The following INPP5D variants were observed in gnomAD, a reference collection of about 807,000 sequenced individuals.
The protein encoded by INPP5D is inositol polyphosphate-5-phosphatase D.
In INPP5D, 33 loss-of-function variants were observed where a neutral mutation model predicts 122.9. The ratio of observed to expected loss-of-function variants is 0.27; its 90% CI spans 0.20 to 0.36. The LOEUF is 0.36. INPP5D is among the 10% of genes least tolerant of loss of function. The pLI is 1.00. For missense variants in INPP5D, 1,053 were observed against 1,412.7 expected, an observed-to-expected ratio of 0.75 and a Z score of 4.08; for synonymous variants, 584 against 576.2, an observed-to-expected ratio of 1.01 and a Z score of -0.19.
rs968812426 is a variant in INPP5D at position 233,188,930 on chromosome 2, C to G, written c.2359-920C>G. ...CCAACATGGTGCCCAGAGCCCTGTA[C>G]CAGGAGCCTTTTGGTGTCTGGAAAG... On this transcript the variant is annotated intron_variant, in intron 21 of 26. Transcript: ENST00000445964. The surrounding 1 kb of genome is among the most constrained non-coding windows in gnomAD (Gnocchi z 4.7). Among the ~76,000 whole-genome samples, 3 of 152,152 alleles carry G rather than the reference C, an allele frequency of 2.0e-5. No individual in the cohort carries two copies. Among genetic ancestry groups the G allele is most frequent in the African/African-American group, 7.2e-5 (3 of 41,416 alleles).
chr2:233,144,434 A>G (rs1241108693), intron 6 of INPP5D, among the ~76,000 whole-genome samples: 13 of 72,134 alleles, frequency 1.8e-4, no homozygotes, highest in Admixed American at 7.2e-4. Flanking sequence ...GGTGATGGTG[A>G]GGGTGAAGGT....
chr2:233,087,483 C>A (rs1452857654), intron 2 of INPP5D, among the ~76,000 whole-genome samples: 2 of 152,016 alleles, frequency 1.3e-5, no homozygotes, highest in Non-Finnish European at 2.9e-5. Context: ...CATGCCACCA[C>A]ACCCAGCTAA....
intron 1 of INPP5D, among the ~76,000 whole-genome samples, chr2:233,065,797 C>T (rs938585217): frequency 2.6e-5 from 4 of 151,894 alleles, no homozygotes; most frequent in African/African-American, 9.7e-5. Flanking sequence ...CAGGTACCCA[C>T]CACCATACCT....
chr2:233,177,231 G>T lies in INPP5D; in HGVS notation c.1990-34G>T, dbSNP rs1346122719. 2 of 1,612,930 alleles carry T rather than the reference G, an allele frequency of 1.2e-6. No homozygotes were observed. Among genetic ancestry groups the T allele is most frequent in the South Asian group, 1.1e-5 (1 of 90,968 alleles). ...ACTGATTAAAAAAATAATAATAAGAGGCATTTTTTAAAGCCTATGACTTTG... is the reference window on the plus strand; with the variant it reads ...ACTGATTAAAAAAATAATAATAAGATGCATTTTTTAAAGCCTATGACTTTG... On this transcript the variant is annotated intron_variant, in intron 17 of 26. Transcript: ENST00000445964. The surrounding 1 kb of genome is among the most constrained non-coding windows in gnomAD (Gnocchi z 4.2).
intron 2 of INPP5D, among the ~76,000 whole-genome samples, chr2:233,099,573 A>G (rs560540777): frequency 6.6e-6 from 1 of 152,356 alleles, no homozygotes; most frequent in African/African-American, 2.4e-5. Context: ...CTTTATGGAA[A>G]CCTATAGATA....
intron 2 of INPP5D, among the ~76,000 whole-genome samples, chr2:233,081,146 G>T (rs188596634): frequency 2.6e-5 from 4 of 152,314 alleles, no homozygotes; most frequent in East Asian, 1.9e-4. Flanking sequence ...GTACGAGAAG[G>T]TCCTTTCCAG....
Position 233,103,327 on chromosome 2 carries a change from C to T in INPP5D, c.199-18780C>T, listed in dbSNP as rs189975987. Among the ~76,000 whole-genome samples the T allele has an allele frequency of 1.6e-3, 242 of 152,322 alleles. 1 individual carries two copies. The highest frequency in any genetic ancestry group is 5.5e-3 in the African/African-American group (227 of 41,556). On this transcript the variant is annotated intron_variant, in intron 2 of 26. Transcript: ENST00000445964. The stretch of plus-strand genomic sequence containing the variant: ...TGAAGTTGCTGGGTCATAGCATATG[C>T]TCATATTTAATTTGCCTAAATTGTA...
At chr2:233,147,726 T>TTG (rs948717689) in intron 9 of INPP5D, 132 bp downstream of exon 9, 97 of 616,898 alleles carry the variant, frequency 1.6e-4, no homozygotes, top group African/African-American at 1.2e-3. Context: ...GCTCATGCTT[T>TTG]TGTGTGTGTG....
At chr2:233,130,360 G>A (rs376361821) in intron 4 of INPP5D, 148 bp from the exon 5 acceptor site, 3 of 847,360 alleles carry the variant, frequency 3.5e-6, no homozygotes, top group Admixed American at 2.8e-5. Flanking sequence ...GGGAACCTTC[G>A]TCCAGGTTTG....
chr2:233,173,442 T>C (rs1329268882), intron 17 of INPP5D, among the ~76,000 whole-genome samples: 1 of 152,218 alleles, frequency 6.6e-6, no homozygotes, highest in Non-Finnish European at 1.5e-5. Context: ...CTTAGCTTAC[T>C]GTAATTTTTT....
intron 10 of INPP5D, 134 bp from the exon 11 acceptor site, chr2:233,161,589 TC>T: frequency 4.7e-6 from 6 of 1,266,284 alleles, no homozygotes; most frequent in Non-Finnish European, 6.4e-6. Context: ...GACACATGTT[TC>T]CAGGTTGCTG....
chr2:233,161,861 C>G (rs1443871763), intron 11 of INPP5D, 35 bp downstream of exon 11: 6 of 1,591,492 alleles, frequency 3.8e-6, no homozygotes, highest in Non-Finnish European at 4.3e-6. Context: ...CAGTCACCCC[C>G]TCTGCTTCTG....
At chr2:233,081,727 A>G (rs887342414) in intron 2 of INPP5D, among the ~76,000 whole-genome samples, 3 of 152,072 alleles carry the variant, frequency 2.0e-5, no homozygotes, top group Non-Finnish European at 2.9e-5. Context: ...AGAGCCAGGA[A>G]GGAGAAGGCC....
intron 4 of INPP5D, among the ~76,000 whole-genome samples, chr2:233,127,940 G>A (rs1693211510): frequency 6.6e-6 from 1 of 152,190 alleles, no homozygotes; most frequent in South Asian, 2.1e-4. Flanking sequence ...AGAACTGCCT[G>A]TAATACAGAC....
intron 3 of INPP5D, among the ~76,000 whole-genome samples, chr2:233,125,443 C>T (rs1693127942): frequency 6.6e-6 from 1 of 152,242 alleles, no homozygotes; most frequent in Non-Finnish European, 1.5e-5. Flanking sequence ...TGCTCACCTG[C>T]CTGCTGCTGT....
At position 233,190,764 on chromosome 2, in the gene INPP5D, G is replaced by A. The variant is rs1393143136; in HGVS notation, c.2446+827G>A. ...GGGGTGAGAGAGGCAGAGAGAGCCT[G>A]GAGGGGACAGAGAGAGGCAGGAAGC... On this transcript the variant is annotated intron_variant, in intron 22 of 26. Transcript: ENST00000445964. Among the ~76,000 whole-genome samples the A allele has an allele frequency of 3.3e-5, 5 of 152,224 alleles. No homozygotes were observed. In the East Asian group the frequency reaches 9.6e-4, roughly 29 times the overall value.
At chr2:233,067,418 C>T (rs1022630023) in intron 1 of INPP5D, among the ~76,000 whole-genome samples, 2 of 152,212 alleles carry the variant, frequency 1.3e-5, no homozygotes, top group African/African-American at 4.8e-5. Context: ...ATTGAAAGAA[C>T]CACATTTTGT....
Position 233,202,045 on chromosome 2 carries a change from G to A in INPP5D, c.2976-2081G>A, listed in dbSNP as rs1695354795. ...ACAGAAGCCTCCTCTTAGAGGGAAG[G>A]CTTCCCTGGTCTCTATCTCACTGCT... On this transcript the variant is annotated intron_variant, in intron 25 of 26. Coordinates refer to ENST00000445964, the MANE Select transcript of INPP5D (RefSeq NM_001017915.3). Among the ~76,000 whole-genome samples the A allele has an allele frequency of 4.6e-5, 7 of 152,136 alleles. No individual in the cohort carries two copies. In the South Asian group the frequency reaches 1.5e-3, roughly 32 times the overall value.
intron 13 of INPP5D, among the ~76,000 whole-genome samples, chr2:233,166,587 A>ACCTTCCCCT (rs368030476): frequency 3.3e-5 from 5 of 151,858 alleles, no homozygotes; most frequent in African/African-American, 7.3e-5. Flanking sequence ...GCTCACACAC[A>ACCTTCCCCT]CCTTCCCCTC....
Sources: allele counts gnomAD v4.1 joint callset (sites outside exome capture counted in the v4.1 genomes callset), GRCh38; gene constraint gnomAD v4.1.1; non-coding constraint Gnocchi (gnomAD v3.1); transcripts MANE v1.5; gene names NCBI Gene and HGNC (gene_info 2026-07-23, HGNC 2026-07-21).